Variants in ZEB1 observed in about 807,000 individuals in gnomAD.
ZEB1 encodes zinc finger E-box-binding homeobox 1.
ZEB1 carries 21 observed loss-of-function variants against 84.9 expected under a neutral mutation model. The ratio of observed to expected loss-of-function variants is 0.25; its 90% confidence interval spans 0.18 to 0.36. The LOEUF is 0.36. Ranked by LOEUF, ZEB1 falls within the 10% of genes least tolerant of loss-of-function variation. ZEB1 has a pLI of 1.00. For synonymous variants in ZEB1, 420 were observed against 471.1 expected, an observed-to-expected ratio of 0.89 and a Z score of 1.41; for missense variants, 1,104 against 1,330.2, an observed-to-expected ratio of 0.83 and a Z score of 2.65.
chr10:31,510,482 A>G (rs1414706189), intron 4 of ZEB1, among the ~76,000 whole-genome samples, 191 bp from the exon 5 acceptor site: 1 of 152,178 alleles, frequency 6.6e-6, no homozygotes, highest in Non-Finnish European at 1.5e-5. Flanking sequence ...TTTTCTTTTA[A>G]GTTATTTAAC....
intron 1 of ZEB1, among the ~76,000 whole-genome samples, chr10:31,421,125 A>G (rs2056092446): frequency 6.6e-6 from 1 of 152,108 alleles, no homozygotes; most frequent in South Asian, 2.1e-4. Context: ...GGGGAGAGTG[A>G]CTGATTTTAG....
intron 1 of ZEB1, among the ~76,000 whole-genome samples, chr10:31,362,221 C>G (rs553726374): frequency 4.8e-5 from 7 of 144,474 alleles, no homozygotes; most frequent in Non-Finnish European, 7.4e-5. Flanking sequence ...CAGAGGTGCT[C>G]CTCACTTCCC....
At chr10:31,355,826 T>G (rs1034088216) in intron 1 of ZEB1, among the ~76,000 whole-genome samples, 2 of 152,148 alleles carry the variant, frequency 1.3e-5, no homozygotes, top group Non-Finnish European at 2.9e-5. Flanking sequence ...TTTTTTGACC[T>G]ATATCCTAAG....
intron 1 of ZEB1, among the ~76,000 whole-genome samples, chr10:31,443,801 C>G (rs909968386): frequency 6.6e-6 from 1 of 150,540 alleles, no homozygotes; most frequent in Non-Finnish European, 1.5e-5. Context: ...TTTTCTTAAT[C>G]CAGTCTATCA....
chr10:31,337,367 CGAT>C lies in ZEB1; in HGVS notation c.58+18077_58+18079del, dbSNP rs762155101. ...AGGATAATGTGTGTTTAAAAAAAAA[CGAT>C]GGTGGAACTCAGATATTTATTGTAT... On this transcript the variant is annotated intron_variant, in intron 1 of 8. Coordinates refer to ENST00000424869, the MANE Select transcript of ZEB1 (RefSeq NM_001174096.2). Among the ~76,000 whole-genome samples the C allele has an allele frequency of 2.0e-3, 303 of 151,510 alleles. 1 individual carries two copies. The highest frequency in any genetic ancestry group is 2.7e-3 in the Non-Finnish European group (181 of 67,852).
At chr10:31,474,089 C>T (rs2063697030) in intron 2 of ZEB1, among the ~76,000 whole-genome samples, 1 of 152,158 alleles carries the variant, frequency 6.6e-6, no homozygotes, top group African/African-American at 2.4e-5. Flanking sequence ...AAATGTTAAA[C>T]CTAAAACCGT....
intron 1 of ZEB1, among the ~76,000 whole-genome samples, chr10:31,401,414 A>G (rs1564727664): frequency 2.0e-5 from 3 of 152,222 alleles, no homozygotes; most frequent in African/African-American, 7.2e-5. Flanking sequence ...ATTATCTGAA[A>G]TCAGAAGGAA....
At chr10:31,430,016 C>T (rs991104979) in intron 1 of ZEB1, among the ~76,000 whole-genome samples, 1 of 152,118 alleles carries the variant, frequency 6.6e-6, no homozygotes, top group East Asian at 1.9e-4. Context: ...GCTGAGATTA[C>T]AGGCGTGAGC....
At chr10:31,397,869 C>G (rs1006896293) in intron 1 of ZEB1, among the ~76,000 whole-genome samples, 4 of 151,986 alleles carry the variant, frequency 2.6e-5, no homozygotes, top group African/African-American at 9.7e-5. Context: ...CTCCTAGATG[C>G]ATGTGTTATT....
At chr10:31,337,192 A>C (rs2038285948) in intron 1 of ZEB1, among the ~76,000 whole-genome samples, 1 of 152,176 alleles carries the variant, frequency 6.6e-6, no homozygotes, top group African/African-American at 2.4e-5. Context: ...TCACTGAAGA[A>C]TATAGTGTGA....
chr10:31,504,202 T>G (rs2068564791), intron 4 of ZEB1, among the ~76,000 whole-genome samples: 1 of 152,128 alleles, frequency 6.6e-6, no homozygotes, highest in South Asian at 2.1e-4. Flanking sequence ...CAGCACCATT[T>G]ATTGGAGAGT....
intron 2 of ZEB1, among the ~76,000 whole-genome samples, chr10:31,462,182 T>A (rs1235759937): frequency 6.6e-6 from 1 of 152,080 alleles, no homozygotes; most frequent in African/African-American, 2.4e-5. Context: ...AATATGGAAG[T>A]GTAGATAAAA....
intron 1 of ZEB1, among the ~76,000 whole-genome samples, chr10:31,446,045 C>G (rs2136803487): frequency 7.2e-6 from 1 of 138,876 alleles, no homozygotes; most frequent in East Asian, 2.2e-4. Flanking sequence ...CCATCTGGTC[C>G]TGGACTCTTT....
intron 2 of ZEB1, among the ~76,000 whole-genome samples, chr10:31,473,635 C>T (rs2063613641): frequency 6.7e-6 from 1 of 148,810 alleles, no homozygotes; most frequent in Non-Finnish European, 1.5e-5. Flanking sequence ...CCATACTGCC[C>T]AAGGTAATTT....
intron 1 of ZEB1, among the ~76,000 whole-genome samples, chr10:31,448,958 G>T (rs1310411129): frequency 6.6e-6 from 1 of 152,218 alleles, no homozygotes; most frequent in Non-Finnish European, 1.5e-5. Context: ...GAGCTTCCTG[G>T]CTGCTTTGTT....
At chr10:31,396,573 G>C (rs369583577) in intron 1 of ZEB1, among the ~76,000 whole-genome samples, 11 of 152,302 alleles carry the variant, frequency 7.2e-5, no homozygotes, top group East Asian at 1.9e-4. Flanking sequence ...GGCAGAGTGA[G>C]AAACTGGCCA....
chr10:31,336,962 C>G (rs1336397826), intron 1 of ZEB1, among the ~76,000 whole-genome samples: 2 of 152,086 alleles, frequency 1.3e-5, no homozygotes, highest in African/African-American at 4.8e-5. Flanking sequence ...CCCAGTATTC[C>G]TATGTCTTAG....
chr10:31,486,670 A>C (rs2138675350), intron 2 of ZEB1, among the ~76,000 whole-genome samples: 1 of 149,120 alleles, frequency 6.7e-6, no homozygotes, highest in Admixed American at 6.7e-5. Context: ...TTTCTAGTTG[A>C]GTTACTTATT....
rs116457027 is a variant in ZEB1 at position 31,478,750 on chromosome 10, T to C, written c.260-17026T>C. Among the ~76,000 whole-genome samples the C allele has an allele frequency of 5.8e-3, 874 of 151,874 alleles. 12 individuals are homozygous for C. Among genetic ancestry groups the C allele is most frequent in the African/African-American group, 0.018 (750 of 41,482 alleles). Reference sequence around the variant, plus strand: ...AGGCCATTATACTAAGTGAAATAACTCAGTAACAGAAAAGCGAATACTGCA... The same window carrying C: ...AGGCCATTATACTAAGTGAAATAACCCAGTAACAGAAAAGCGAATACTGCA... On this transcript the variant is annotated intron_variant, in intron 2 of 8. Transcript: ENST00000424869.
Sources: gnomAD v4.1 joint callset for allele counts (sites outside exome capture counted in the v4.1 genomes callset) on GRCh38, gnomAD v4.1.1 for gene constraint, MANE v1.5 for transcripts, NCBI Gene and HGNC (gene_info 2026-07-23, HGNC 2026-07-21) for gene names.